ERBB4: variants seen among roughly 807,000 people sequenced by gnomAD.
ERBB4 encodes the protein erb-b2 receptor tyrosine kinase 4, also known as receptor tyrosine-protein kinase erbB-4.
ERBB4 carries 42 observed loss-of-function variants against 158.0 expected under a neutral mutation model. The ratio of observed to expected loss-of-function variants is 0.27; its 90% CI spans 0.21 to 0.34. The LOEUF (loss-of-function observed/expected upper bound fraction) is 0.34, where lower values mean the gene tolerates loss of function less well. ERBB4 is among the 10% of genes least tolerant of loss of function. The pLI, the probability that ERBB4 is intolerant of heterozygous loss-of-function variation, is 1.00. For synonymous variants in ERBB4, 583 were observed against 558.7 expected (o/e 1.04, Z -0.61); for missense variants, 1,333 against 1,624.1 (o/e 0.82, Z 3.08).
At chr2:211,707,283 A>G (rs553575061) in intron 9 of ERBB4, among the ~76,000 whole-genome samples, 160 of 152,306 alleles carry the variant, frequency 1.1e-3, no homozygotes, top group South Asian at 4.6e-3. Flanking sequence ...AAGTTGACAG[A>G]ATTCCACTCA....
intron 20 of ERBB4, among the ~76,000 whole-genome samples, chr2:211,460,924 CT>C (rs1165084090): frequency 1.3e-5 from 2 of 152,050 alleles, no homozygotes; most frequent in Non-Finnish European, 2.9e-5. Context: ...TACTGTCTTC[CT>C]TAGCCAGGTA....
At chr2:211,947,713 T>A (rs2080742696) in intron 2 of ERBB4, 97 bp from the exon 3 acceptor site, 1 of 1,053,056 alleles carries the variant, frequency 9.5e-7, no homozygotes, top group Admixed American at 2.1e-5. Flanking sequence ...ACTCTAATTT[T>A]CAGTTTTTAG....
At chr2:212,284,143 A>G (rs1364009418) in intron 1 of ERBB4, among the ~76,000 whole-genome samples, 1 of 152,120 alleles carries the variant, frequency 6.6e-6, no homozygotes, top group African/African-American at 2.4e-5. Context: ...TCAACGTAAT[A>G]TTATCAACAG....
At chr2:212,006,144 T>A (rs1412422649) in intron 2 of ERBB4, among the ~76,000 whole-genome samples, 2 of 152,226 alleles carry the variant, frequency 1.3e-5, no homozygotes, top group African/African-American at 4.8e-5. Context: ...TATCTGAATG[T>A]GCTGTGGCAT....
At chr2:211,834,670 T>C (rs1054873371) in intron 3 of ERBB4, among the ~76,000 whole-genome samples, 39 of 152,052 alleles carry the variant, frequency 2.6e-4, no homozygotes, top group Admixed American at 2.5e-3. Context: ...GTCATCAATA[T>C]GGAAGTGGGC....
chr2:211,567,926 G>C (rs1252207259), intron 19 of ERBB4, among the ~76,000 whole-genome samples: 1 of 151,916 alleles, frequency 6.6e-6, no homozygotes, highest in African/African-American at 2.4e-5. Flanking sequence ...TTTAATCATA[G>C]AGTGTCGGCT....
At chr2:211,558,236 C>T (rs2067291549) in intron 20 of ERBB4, among the ~76,000 whole-genome samples, 1 of 152,146 alleles carries the variant, frequency 6.6e-6, no homozygotes, top group Admixed American at 6.5e-5. Context: ...TCTGGAGATT[C>T]TAAGAGAGTC....
chr2:212,517,130 T>C (rs898021316), intron 1 of ERBB4, among the ~76,000 whole-genome samples: 3 of 152,166 alleles, frequency 2.0e-5, no homozygotes, highest in African/African-American at 7.2e-5. Flanking sequence ...GAAATTTTCA[T>C]TGAGAAAGAA....
chr2:211,440,132 A>C (rs1363817150), intron 20 of ERBB4, among the ~76,000 whole-genome samples: 1 of 152,192 alleles, frequency 6.6e-6, no homozygotes, highest in Non-Finnish European at 1.5e-5. Flanking sequence ...TTGTGAGTAA[A>C]AAGCTCATCT....
intron 2 of ERBB4, among the ~76,000 whole-genome samples, chr2:211,985,402 G>C (rs1048034226): frequency 6.6e-6 from 1 of 152,068 alleles, no homozygotes; most frequent in Non-Finnish European, 1.5e-5. Flanking sequence ...CTTCTGTTAA[G>C]TACAGTAAAT....
At chr2:212,120,367 C>T (rs2079710884) in intron 2 of ERBB4, among the ~76,000 whole-genome samples, 1 of 152,144 alleles carries the variant, frequency 6.6e-6, no homozygotes, top group Non-Finnish European at 1.5e-5. Context: ...TGTGAGGTCA[C>T]ACTGAAATAA....
chr2:211,516,882 T>C (rs146552953), intron 20 of ERBB4, among the ~76,000 whole-genome samples: 61 of 152,242 alleles, frequency 4.0e-4, no homozygotes, highest in Admixed American at 1.0e-3. Context: ...CTGAGGCTAA[T>C]AGTAATCCTT....
intron 2 of ERBB4, among the ~76,000 whole-genome samples, chr2:212,032,803 A>G (rs557311308): frequency 5.9e-5 from 9 of 152,118 alleles, no homozygotes; most frequent in African/African-American, 1.2e-4. Flanking sequence ...TGGGCTAGAG[A>G]GTGGTTCCTG....
At chr2:211,814,607 A>G (rs1466811534) in intron 3 of ERBB4, among the ~76,000 whole-genome samples, 1 of 152,138 alleles carries the variant, frequency 6.6e-6, no homozygotes, top group African/African-American at 2.4e-5. Context: ...CAAAGCAGGC[A>G]TTTTAGCGAG....
intron 3 of ERBB4, among the ~76,000 whole-genome samples, chr2:211,895,085 A>G (rs2125016261): frequency 6.6e-6 from 1 of 152,296 alleles, no homozygotes; most frequent in African/African-American, 2.4e-5. Context: ...CTTTTCTGCT[A>G]GACATGCAAC....
intron 2 of ERBB4, among the ~76,000 whole-genome samples, chr2:211,970,629 T>C (rs1290585499): frequency 6.6e-6 from 1 of 152,200 alleles, no homozygotes; most frequent in Non-Finnish European, 1.5e-5. Flanking sequence ...CACTATGTAA[T>C]GACCTTCTTT....
chr2:212,416,575 G>A (rs751972576), intron 1 of ERBB4, among the ~76,000 whole-genome samples: 16 of 151,856 alleles, frequency 1.1e-4, no homozygotes, highest in Non-Finnish European at 1.9e-4. Context: ...TAATATATTC[G>A]TATAAAATAC....
At chr2:212,063,293 A>G (rs923182724) in intron 2 of ERBB4, among the ~76,000 whole-genome samples, 1 of 152,172 alleles carries the variant, frequency 6.6e-6, no homozygotes, top group Non-Finnish European at 1.5e-5. Flanking sequence ...TTATATTAGC[A>G]TAAGAATAAA....
chr2:212,469,949 A>C (rs927421144), intron 1 of ERBB4, among the ~76,000 whole-genome samples: 5 of 152,146 alleles, frequency 3.3e-5, no homozygotes, highest in African/African-American at 1.2e-4. Context: ...TTAATACTGT[A>C]TTATTCTAAG....
Sources: gnomAD v4.1 joint callset for allele counts (sites outside exome capture counted in the v4.1 genomes callset) on GRCh38, gnomAD v4.1.1 for gene constraint, MANE v1.5 for transcripts, NCBI Gene and HGNC (gene_info 2026-07-23, HGNC 2026-07-21) for gene names.